NOX4: variants seen among roughly 807,000 people sequenced by gnomAD.
The protein encoded by NOX4 is kidney oxidase-1.
In NOX4, 69 loss-of-function variants were observed where a neutral mutation model predicts 87.6. The observed-to-expected ratio is 0.79, with a 90% CI of 0.65 to 0.96. The LOEUF (loss-of-function observed/expected upper bound fraction) is 0.96, where lower values mean the gene tolerates loss of function less well. Among genes scored for constraint, NOX4 ranks in the 40% least tolerant of loss-of-function variants. The pLI is 0.00. For synonymous variants in NOX4, 275 were observed against 238.2 expected (o/e 1.15, Z -1.42); for missense variants, 680 against 681.5 (o/e 1.00, Z 0.02).
the NOX4 span, among the ~76,000 whole-genome samples, chr11:89,512,312 G>T: frequency 1.1e-3 from 160 of 151,934 alleles, 4 homozygotes; most frequent in South Asian, 0.031. Flanking sequence ...CTTAATAATT[G>T]TCAAGTGTAC....
the NOX4 span, among the ~76,000 whole-genome samples, chr11:89,558,894 A>G: frequency 1.3e-5 from 2 of 152,134 alleles, no homozygotes; most frequent in East Asian, 1.9e-4. Context: ...ATCACAAATC[A>G]TAAGTGCAAA....
chr11:89,559,193 CTTAAT>C, the NOX4 span, among the ~76,000 whole-genome samples: 5 of 151,992 alleles, frequency 3.3e-5, no homozygotes, highest in Non-Finnish European at 7.4e-5. Context: ...TCTCAAGAAA[CTTAAT>C]TTAGTGAGAA....
At chr11:89,470,806 C>G (rs1221498367) in intron 2 of NOX4, among the ~76,000 whole-genome samples, 1 of 152,096 alleles carries the variant, frequency 6.6e-6, no homozygotes, top group Non-Finnish European at 1.5e-5. Context: ...GCTACATATA[C>G]TTTTATATTA....
Position 89,342,386 on chromosome 11 carries a change from A to C in NOX4, c.1218-193T>G, listed in dbSNP as rs144749566. Among the ~76,000 whole-genome samples the C allele has an allele frequency of 2.8e-4, 42 of 152,280 alleles. No individual in the cohort carries two copies. In the East Asian group the frequency reaches 7.7e-3, roughly 28 times the overall value. ...ATGAAGTGTCAAGATTAAAATAAAT[A>C]CGTCTGTTTCTAAGTGTGTCTTTTT... On this transcript the variant is annotated intron_variant, in intron 13 of 17. Coordinates refer to ENST00000263317, the MANE Select transcript of NOX4 (RefSeq NM_016931.5).
the NOX4 span, among the ~76,000 whole-genome samples, chr11:89,546,055 T>A: frequency 6.6e-6 from 1 of 152,216 alleles, no homozygotes; most frequent in Non-Finnish European, 1.5e-5. Context: ...ATTTTAAGCA[T>A]TGTGGCTGTT....
the NOX4 span, among the ~76,000 whole-genome samples, chr11:89,506,135 GTT>G: frequency 6.6e-6 from 1 of 151,636 alleles, no homozygotes; most frequent in African/African-American, 2.4e-5. Context: ...TTGTGACAAT[GTT>G]TAATGTCAAT....
At chr11:89,427,780 G>A (rs1943523460) in intron 7 of NOX4, among the ~76,000 whole-genome samples, 1 of 152,158 alleles carries the variant, frequency 6.6e-6, no homozygotes, top group South Asian at 2.1e-4. Flanking sequence ...ATGGAACCAA[G>A]TTGGAAAACA....
intron 1 of NOX4, chr11:89,490,922 G>T (rs1249892017): frequency 2.8e-6 from 2 of 702,926 alleles, no homozygotes; most frequent in African/African-American, 1.8e-5. Flanking sequence ...AAAAAGAAAA[G>T]CTGTATTCAC....
the NOX4 span, among the ~76,000 whole-genome samples, chr11:89,552,052 G>T: frequency 2.0e-3 from 308 of 152,188 alleles, no homozygotes; most frequent in Admixed American, 3.5e-3. Flanking sequence ...TTTTTACCAT[G>T]AGTAACGCAT....
intron 4 of NOX4, among the ~76,000 whole-genome samples, chr11:89,448,169 G>A (rs555365648): frequency 3.9e-5 from 6 of 152,052 alleles, no homozygotes; most frequent in Non-Finnish European, 7.4e-5. Flanking sequence ...TCTCATTTTA[G>A]TCTTAAATCT....
chr11:89,420,369 C>T (rs949271639), intron 8 of NOX4, among the ~76,000 whole-genome samples: 2 of 152,084 alleles, frequency 1.3e-5, no homozygotes, highest in Non-Finnish European at 2.9e-5. Flanking sequence ...TAGTCCTCTT[C>T]AGGAGCATAG....
chr11:89,338,875 G>A (rs986970576), intron 15 of NOX4, among the ~76,000 whole-genome samples: 8 of 152,022 alleles, frequency 5.3e-5, no homozygotes, highest in Non-Finnish European at 1.0e-4. Context: ...TACTGTTTAC[G>A]CTGCTTTACT....
At chr11:89,348,453 C>CTA (rs60500260) in intron 13 of NOX4, among the ~76,000 whole-genome samples, 4,078 of 147,490 alleles carry the variant, frequency 0.028, 155 homozygotes, top group African/African-American at 0.081. Context: ...AAAAAAAAAA[C>CTA]TATATATATA....
At chr11:89,537,924 A>C in the NOX4 span, among the ~76,000 whole-genome samples, 2 of 152,122 alleles carry the variant, frequency 1.3e-5, no homozygotes, top group African/African-American at 4.8e-5. Flanking sequence ...GTTTTCCTAC[A>C]CCAACCACCT....
intron 12 of NOX4, among the ~76,000 whole-genome samples, chr11:89,359,597 C>G (rs974904258): frequency 5.9e-5 from 9 of 151,814 alleles, no homozygotes; most frequent in Non-Finnish European, 1.0e-4. Context: ...CCTAAAGATC[C>G]TTTGCATCTA....
chr11:89,405,207 ACT>A lies in NOX4; in HGVS notation c.630-2667_630-2666del, dbSNP rs1942102729. On this transcript the variant is annotated intron_variant, in intron 8 of 17. Transcript: ENST00000263317. Reference sequence around the variant, plus strand: ...CTGTCATAACATTCAAGTGGACATAACTCTACCATGCTCTAGGTCCTTAGAGT... The same window carrying A: ...CTGTCATAACATTCAAGTGGACATAACTACCATGCTCTAGGTCCTTAGAGT... 3.3e-5 allele frequency among the ~76,000 whole-genome samples: 5 copies of A among 151,564 alleles called. No homozygotes were observed. The South Asian group carries it at 1.0e-3, about 32-fold the overall frequency.
upstream of NOX4, among the ~76,000 whole-genome samples, chr11:89,499,968 A>G (rs2135510819): frequency 6.6e-6 from 1 of 152,268 alleles, no homozygotes; most frequent in East Asian, 1.9e-4. Flanking sequence ...AGAAAGGTAA[A>G]TTACCTACAT....
chr11:89,421,825 A>G (rs971583588), intron 8 of NOX4, 77 bp downstream of exon 8: 9 of 807,932 alleles, frequency 1.1e-5, no homozygotes, highest in Non-Finnish European at 1.8e-5. Flanking sequence ...CCTCCTATGA[A>G]ATTTCCTATA....
In NOX4 at chr11:89,347,859, G is replaced by C. The variant is rs542560039; in HGVS notation, c.1218-5666C>G. ...GCTAGTGTGCTGGCCCCATGCGGTAGCTCATGTACCTCTCTAGTTTCATGA... is the reference window on the plus strand; with the variant it reads ...GCTAGTGTGCTGGCCCCATGCGGTACCTCATGTACCTCTCTAGTTTCATGA... On this transcript the variant is annotated intron_variant, in intron 13 of 17. Coordinates refer to ENST00000263317, the MANE Select transcript of NOX4 (RefSeq NM_016931.5). 2.6e-5 allele frequency among the ~76,000 whole-genome samples: 4 copies of C among 152,282 alleles called. No individual in the cohort carries two copies. The East Asian group carries it at 7.7e-4, about 29-fold the overall frequency.
Sources: allele counts gnomAD v4.1 joint callset (sites outside exome capture counted in the v4.1 genomes callset), GRCh38; gene constraint gnomAD v4.1.1; transcripts MANE v1.5; gene names NCBI Gene and HGNC (gene_info 2026-07-23, HGNC 2026-07-21).